The following ESPN variants were observed in gnomAD, a reference collection of about 807,000 sequenced individuals.
ESPN encodes espin, also known as autosomal recessive deafness type 36 protein.
ESPN carries 68 observed loss-of-function variants against 77.7 expected under a neutral mutation model. The observed-to-expected ratio is 0.87, with a 90% confidence interval of 0.72 to 1.07. ESPN has a LOEUF of 1.07. Ranked by LOEUF, ESPN falls within the 50% of genes least tolerant of loss-of-function variation. ESPN has a pLI of 0.00. For synonymous variants in ESPN, 449 were observed against 567.1 expected (o/e 0.79, Z 2.96); for missense variants, 1,060 against 1,239.0 (o/e 0.86, Z 2.17).
chr1:6,458,974 C>T (rs1644104165), intron 12 of ESPN, among the ~76,000 whole-genome samples: 1 of 149,682 alleles, frequency 6.7e-6, no homozygotes, highest in Admixed American at 6.7e-5. Flanking sequence ...GGCTCGGTGG[C>T]TCACGCCTGT....
intron 2 of ESPN, among the ~76,000 whole-genome samples, chr1:6,438,258 C>T (rs1643504735): frequency 6.6e-6 from 1 of 152,214 alleles, no homozygotes; most frequent in Non-Finnish European, 1.5e-5. Context: ...ACCAGGCCAG[C>T]CATAGACCCT....
At chr1:6,432,051 C>T (rs530389991) in intron 2 of ESPN, among the ~76,000 whole-genome samples, 32 of 152,320 alleles carry the variant, frequency 2.1e-4, no homozygotes, top group African/African-American at 6.5e-4. Flanking sequence ...GTCCTAATCA[C>T]TCAGGGCCTT....
rs373480894 is a variant in ESPN, at chr1:6,448,439, GC to G, written c.1465-201del. 154 of 526,438 alleles carry G rather than the reference GC, an allele frequency of 2.9e-4. No individual in the cohort carries two copies. In the South Asian group the frequency reaches 3.7e-3, roughly 13 times the overall value. 32.6% of individuals were successfully genotyped at this position (526,438 alleles called of 1,614,324 possible). On this transcript the variant is annotated intron_variant, in intron 7 of 12. Coordinates refer to ENST00000645284, the MANE Select transcript of ESPN (RefSeq NM_031475.3). Reference sequence around the variant, plus strand: ...CCCAGAACCCCTCCCTGTAAGGCGGGCGGAGCCTGCCCTTCCACCGAGGCCC... The same window carrying G: ...CCCAGAACCCCTCCCTGTAAGGCGGGGGAGCCTGCCCTTCCACCGAGGCCC...
chr1:6,435,243 G>T (rs575270833), intron 2 of ESPN, among the ~76,000 whole-genome samples: 1 of 151,986 alleles, frequency 6.6e-6, no homozygotes, highest in Non-Finnish European at 1.5e-5. Context: ...ACTGATCCTC[G>T]GATGGAGAGC....
chr1:6,452,920 T>A (rs1643977484), intron 10 of ESPN, among the ~76,000 whole-genome samples: 1 of 142,616 alleles, frequency 7.0e-6, no homozygotes, highest in African/African-American at 3.0e-5. Context: ...TGAGACAGGG[T>A]CTCACTCTGT....
intron 12 of ESPN, among the ~76,000 whole-genome samples, chr1:6,459,246 A>T (rs1453879622): frequency 1.0e-5 from 1 of 98,458 alleles, no homozygotes; most frequent in African/African-American, 1.1e-4. Flanking sequence ...GTCTCAATTA[A>T]AAAAAAAAAA....
In ESPN at chr1:6,460,141, T is replaced by A; in HGVS notation, c.2560T>A (p.Tyr854Asn). Residue 854 changes from tyrosine to asparagine, a missense_variant, in exon 13 of 13, where the codon TAC becomes AAC. Physicochemically the swap from Tyr to Asn is moderately radical, Grantham distance 143 (BLOSUM62 -2). Around this residue, in one of 3 missense-constraint regions of ESPN, gnomAD observed 374 missense variants for 381.4 expected, o/e 0.98. Transcript: ENST00000645284. ...VILKKGDIAK[Y>N] is the part of the protein sequence containing the mutation. Reference sequence around the variant, plus strand: ...CCTGAAGAAGGGGGACATCGCTAAGTACTAGAGGCCGCAGACTCCTGTCCG... The same window carrying A: ...CCTGAAGAAGGGGGACATCGCTAAGAACTAGAGGCCGCAGACTCCTGTCCG... 1.9e-6 allele frequency: 3 copies of A among 1,611,198 alleles called. No individual in the cohort carries two copies. The highest frequency in any genetic ancestry group is 2.2e-5 in the South Asian group (2 of 91,012).
rs763714861 is a variant in ESPN, at chr1:6,448,688, C to G, written c.1512C>G (p.Ser504Arg). Residue 504 changes from serine (S) to arginine (R), a missense_variant, in exon 8 of 13, where the codon AGC (serine) becomes AGG (arginine). Ser to Arg is a moderately radical substitution (Grantham distance 110). Transcript: ENST00000645284. ...GHDGLRRQDS[S>R]RKPRAFSKQP... ...ACGGGCTGCGGAGGCAGGACTCCAG[C>G]CGCAAGCCCCGCGCCTTCAGCAAGC... The G allele has an allele frequency of 2.1e-5, 32 of 1,545,404 alleles. No individual in the cohort carries two copies. The Admixed American group carries it at 4.1e-4, about 20-fold the overall frequency.
In ESPN at chr1:6,460,887, T is replaced by C. The variant is rs1644151563; in HGVS notation, c.*741T>C. ...CAACTGCTGCACCCCATCCCGACCC[T>C]GTCTCCGCCACCTCGCAGCCCCATT... is the stretch of plus-strand genomic sequence containing the variant. On this transcript the variant is annotated 3_prime_UTR_variant, in exon 13 of 13. Coordinates refer to ENST00000645284, the MANE Select transcript of ESPN (RefSeq NM_031475.3). 1 of 334,908 alleles carries C rather than the reference T, an allele frequency of 3.0e-6. No homozygotes were observed. Among genetic ancestry groups the C allele is most frequent in the African/African-American group, 2.2e-5 (1 of 45,698 alleles). 20.7% of individuals were successfully genotyped at this position (334,908 alleles called of 1,614,324 possible).
Position 6,428,114 on chromosome 1 carries a change from G to A in ESPN, c.295-112G>A. 8.5e-7 allele frequency: 1 copy of A among 1,181,332 alleles called. No homozygotes were observed. Among genetic ancestry groups the A allele is most frequent in the Non-Finnish European group, 1.3e-6 (1 of 794,574 alleles). The allele number at this position is 1,181,332 out of a possible 1,614,324, so 73.2% of individuals were successfully genotyped here. On this transcript the variant is annotated intron_variant, in intron 1 of 12. Transcript: ENST00000645284. The surrounding 1 kb of genome is among the most constrained non-coding windows in gnomAD (Gnocchi z 5.4). ...ATGAGGCCTGGCCAATCCCTCCAGG[G>A]AAGACAGAGAGCACAGAGCTACCTT...
chr1:6,426,507 T>G (rs763262327), intron 1 of ESPN, among the ~76,000 whole-genome samples: 103 of 152,140 alleles, frequency 6.8e-4, no homozygotes, highest in Non-Finnish European at 1.2e-3. Context: ...ACCTGGATCC[T>G]TGGGCTTGCC....
intron 7 of ESPN, 151 bp downstream of exon 7, chr1:6,446,086 C>T: frequency 1.3e-6 from 1 of 759,980 alleles, no homozygotes; most frequent in Non-Finnish European, 2.2e-6. Context: ...TGGCGAGTCC[C>T]ACAAGGGGTC....
At chr1:6,457,303 T>A (rs1160608891) in intron 11 of ESPN, 40 bp downstream of exon 11, 2 of 1,614,042 alleles carry the variant, frequency 1.2e-6, no homozygotes, top group East Asian at 2.2e-5. Flanking sequence ...TGGCAGGGTG[T>A]CTTGACTGCG....
chr1:6,458,747 A>G (rs1438944780), intron 12 of ESPN, among the ~76,000 whole-genome samples: 2 of 150,548 alleles, frequency 1.3e-5, no homozygotes, highest in Admixed American at 6.6e-5. Flanking sequence ...CCTGGCCAAC[A>G]TGGTGAAACC....
At chr1:6,431,712 C>A (rs1643263228) in intron 2 of ESPN, among the ~76,000 whole-genome samples, 1 of 151,576 alleles carries the variant, frequency 6.6e-6, no homozygotes, top group Non-Finnish European at 1.5e-5. Flanking sequence ...GAAAAAGAAC[C>A]TGGTGCTGAG....
chr1:6,453,107 C>T (rs1449632894), intron 10 of ESPN, among the ~76,000 whole-genome samples: 8 of 152,098 alleles, frequency 5.3e-5, no homozygotes, highest in East Asian at 3.9e-4. Flanking sequence ...TTGGCCAGGC[C>T]GGTCTCGAAC....
intron 2 of ESPN, among the ~76,000 whole-genome samples, chr1:6,429,239 G>A (rs1643153992): frequency 6.6e-6 from 1 of 152,012 alleles, no homozygotes; most frequent in African/African-American, 2.4e-5. Context: ...TGCTCTGATG[G>A]GTGACCCTCA....
intron 10 of ESPN, chr1:6,455,454 C>G: frequency 2.5e-6 from 1 of 396,698 alleles, no homozygotes. Flanking sequence ...GGCCCACAGC[C>G]CCGACGAACG....
intron 1 of ESPN, among the ~76,000 whole-genome samples, chr1:6,425,604 C>T (rs1428438594): frequency 6.6e-6 from 1 of 152,232 alleles, no homozygotes. Flanking sequence ...CAGAGTCAGA[C>T]GCCCGTGTCC....
Sources: gnomAD v4.1 joint callset for allele counts (sites outside exome capture counted in the v4.1 genomes callset) on GRCh38, gnomAD v4.1.1 for gene constraint, gnomAD v4.1.1 regional missense constraint, Gnocchi (gnomAD v3.1) non-coding constraint, MANE v1.5 for transcripts, NCBI Gene and HGNC (gene_info 2026-07-23, HGNC 2026-07-21) for gene names.